The following EXOC2 variants were observed in gnomAD, a reference collection of about 807,000 sequenced individuals.
EXOC2 encodes exocyst complex component 2.
A neutral mutation model predicts 131.8 loss-of-function variants in EXOC2; 70 were observed. That is an observed-to-expected ratio of 0.53 (90% CI 0.44 to 0.65). The LOEUF is 0.65. Ranked by LOEUF, EXOC2 falls within the 30% of genes least tolerant of loss-of-function variation. The pLI, the probability that EXOC2 is intolerant of heterozygous loss-of-function variation, is 0.00. For missense variants in EXOC2, 923 were observed against 1,108.6 expected (o/e 0.83, Z 2.38); for synonymous variants, 411 against 398.4 (o/e 1.03, Z -0.38).
chr6:500,179 A>G (rs1160177773), intron 23 of EXOC2, among the ~76,000 whole-genome samples: 1 of 152,224 alleles, frequency 6.6e-6, no homozygotes, highest in East Asian at 1.9e-4. Flanking sequence ...TGCACATTAA[A>G]TATCAATTAT....
chr6:618,961 G>A (rs187619572), intron 5 of EXOC2, among the ~76,000 whole-genome samples: 77 of 152,284 alleles, frequency 5.1e-4, no homozygotes, highest in Non-Finnish European at 8.4e-4. Flanking sequence ...CTTCAAATTG[G>A]ATATATGACC....
chr6:588,890 G>A (rs371397049), intron 11 of EXOC2, among the ~76,000 whole-genome samples: 2 of 152,070 alleles, frequency 1.3e-5, no homozygotes, highest in Admixed American at 1.3e-4. Flanking sequence ...GAAAGATGAC[G>A]GTGTGTTTCC....
intron 22 of EXOC2, 110 bp downstream of exon 22, chr6:549,065 G>T: frequency 1.2e-6 from 1 of 811,190 alleles, no homozygotes; most frequent in Non-Finnish European, 2.1e-6. Flanking sequence ...TGGCTGTGGG[G>T]GCGGCACGCA....
intron 21 of EXOC2, among the ~76,000 whole-genome samples, chr6:551,069 G>A (rs2127568152): frequency 6.6e-6 from 1 of 152,322 alleles, no homozygotes; most frequent in Non-Finnish European, 1.5e-5. Flanking sequence ...AAACTGAACA[G>A]CACAGACTCT....
intron 10 of EXOC2, among the ~76,000 whole-genome samples, chr6:594,078 T>C (rs3823133): frequency 0.093 from 14,193 of 152,272 alleles, 1,169 homozygotes; most frequent in African/African-American, 0.22. Flanking sequence ...AAACAGGATG[T>C]GTCTCTGTGC....
At position 555,214 on chromosome 6, in the gene EXOC2, A is replaced by G. The variant is rs1195027026; in HGVS notation, c.2054+13T>C. ...TTAAATGCATTAATGAGATTAATTT[A>G]ATTTTTACTTACTGTGTAGTATCTA... On this transcript the variant is annotated intron_variant, in intron 20 of 27. Transcript: ENST00000230449. The G allele has an allele frequency of 1.3e-5, 19 of 1,447,640 alleles. No individual in the cohort carries two copies. Among genetic ancestry groups the G allele is most frequent in the Non-Finnish European group, 1.8e-5 (19 of 1,074,414 alleles). The allele number at this position is 1,447,640 out of a possible 1,614,324, so 89.7% of individuals were successfully genotyped here. A position where few individuals can be genotyped will look rare whatever the true frequency, so the allele number is the denominator to read the frequency against.
intron 11 of EXOC2, among the ~76,000 whole-genome samples, chr6:581,935 GA>G (rs1203624128): frequency 6.6e-6 from 1 of 151,862 alleles, no homozygotes; most frequent in Non-Finnish European, 1.5e-5. Context: ...CATAAAATTA[GA>G]AAAAAATACC....
chr6:564,673 C>G lies in EXOC2; in HGVS notation c.1539G>C (p.Leu513=), dbSNP rs1757875988. 6.2e-7 allele frequency: 1 copy of G among 1,604,708 alleles called. No homozygotes were observed. Among genetic ancestry groups the G allele is most frequent in the Non-Finnish European group, 8.5e-7 (1 of 1,175,544 alleles). ...GCAGGGCTCCGCGGGTAAGCTTCAC[C>G]AGGGAGTGCATTACTTCCTGAATCA... ...KKMIQEVMHS[L]VKLTRGALLP... Residue 513 remains leucine, a synonymous_variant, in exon 15 of 28, where the codon CTG becomes CTC. Transcript: ENST00000230449.
At chr6:591,527 G>C (rs1219585836) in intron 11 of EXOC2, among the ~76,000 whole-genome samples, 1 of 152,014 alleles carries the variant, frequency 6.6e-6, no homozygotes, top group Admixed American at 6.6e-5. Flanking sequence ...ACTCCCTTCA[G>C]CTCTCAGAAT....
chr6:687,100 G>A (rs953386316), intron 1 of EXOC2, among the ~76,000 whole-genome samples: 1 of 149,624 alleles, frequency 6.7e-6, no homozygotes. Context: ...AAAAAAAGAT[G>A]TCAGGGTTTT....
intron 1 of EXOC2, among the ~76,000 whole-genome samples, chr6:638,068 C>T (rs757223118): frequency 1.3e-5 from 2 of 152,112 alleles, no homozygotes; most frequent in Non-Finnish European, 2.9e-5. Context: ...GCAAGAAAGA[C>T]ATAAGAATAA....
intron 17 of EXOC2, among the ~76,000 whole-genome samples, chr6:559,840 T>A (rs1212911919): frequency 6.6e-6 from 1 of 152,188 alleles, no homozygotes; most frequent in Non-Finnish European, 1.5e-5. Flanking sequence ...GGCTCAGAGT[T>A]ACTGAATTGA....
chr6:597,651 T>G (rs1008191862), intron 10 of EXOC2, among the ~76,000 whole-genome samples: 1 of 152,190 alleles, frequency 6.6e-6, no homozygotes, highest in African/African-American at 2.4e-5. Flanking sequence ...TCCCACCCAG[T>G]GTGTGACAGT....
At chr6:638,059 C>T (rs1762183254) in intron 1 of EXOC2, among the ~76,000 whole-genome samples, 198 bp from the exon 2 acceptor site, 1 of 152,110 alleles carries the variant, frequency 6.6e-6, no homozygotes. Context: ...GTTAGTATTG[C>T]AAGAAAGACA....
At chr6:529,804 A>G (rs1279855690) in intron 23 of EXOC2, among the ~76,000 whole-genome samples, 2 of 152,160 alleles carry the variant, frequency 1.3e-5, no homozygotes, top group Non-Finnish European at 2.9e-5. Context: ...ACATAACTAA[A>G]CAGATAGAAT....
intron 1 of EXOC2, among the ~76,000 whole-genome samples, chr6:648,921 G>A (rs184022158): frequency 6.6e-6 from 1 of 151,456 alleles, no homozygotes; most frequent in African/African-American, 2.4e-5. Flanking sequence ...ATAGAGACAG[G>A]GTCTTGCTCT....
intron 23 of EXOC2, among the ~76,000 whole-genome samples, chr6:511,243 C>G (rs548864696): frequency 6.6e-6 from 1 of 152,328 alleles, no homozygotes; most frequent in East Asian, 1.9e-4. Context: ...TGACTGCAGT[C>G]ATTACCGTGG....
chr6:676,209 A>G (rs189286922), intron 1 of EXOC2, among the ~76,000 whole-genome samples: 8 of 44,110 alleles, frequency 1.8e-4, no homozygotes, highest in East Asian at 3.5e-3. Context: ...ATACTCTTCA[A>G]CATTACGGAA....
At chr6:489,907 A>C (rs1010415804) in intron 26 of EXOC2, among the ~76,000 whole-genome samples, 2 of 152,248 alleles carry the variant, frequency 1.3e-5, no homozygotes. Flanking sequence ...CAACAGAGTC[A>C]TAAAACCCGG....
Sources: allele counts gnomAD v4.1 joint callset (sites outside exome capture counted in the v4.1 genomes callset), GRCh38; gene constraint gnomAD v4.1.1; transcripts MANE v1.5; gene names NCBI Gene and HGNC (gene_info 2026-07-23, HGNC 2026-07-21).